CAMTA1: variants seen among roughly 807,000 people sequenced by gnomAD.
The protein encoded by CAMTA1 is calmodulin binding transcription activator 1.
Under a neutral mutation model 170.9 loss-of-function variants are expected in CAMTA1, and 27 were observed. The observed-to-expected ratio is 0.16, with a 90% CI of 0.12 to 0.22. CAMTA1 has a LOEUF of 0.22. Among genes scored for constraint, CAMTA1 ranks in the 10% least tolerant of loss-of-function variants. The pLI, the probability that CAMTA1 is intolerant of heterozygous loss-of-function variation, is 1.00. For synonymous variants in CAMTA1, 833 were observed against 891.5 expected (o/e 0.93, Z 1.17); for missense variants, 1,619 against 2,217.2 (o/e 0.73, Z 5.42).
chr1:7,218,418 A>C (rs1312427788), intron 4 of CAMTA1, among the ~76,000 whole-genome samples: 1 of 151,592 alleles, frequency 6.6e-6, no homozygotes, highest in African/African-American at 2.4e-5. Flanking sequence ...TTAGTTCAAG[A>C]GCTCCCTCTT....
At chr1:7,318,788 C>T (rs115426558) in intron 5 of CAMTA1, among the ~76,000 whole-genome samples, 2,768 of 152,302 alleles carry the variant, frequency 0.018, 73 homozygotes, top group African/African-American at 0.062. Context: ...TGGTGCCACG[C>T]GTTTTACTCA....
At chr1:7,179,265 A>G (rs1651602651) in intron 4 of CAMTA1, among the ~76,000 whole-genome samples, 1 of 152,252 alleles carries the variant, frequency 6.6e-6, no homozygotes. Context: ...AACCACCTTT[A>G]TAAAGCAGAT....
rs116525694 is a variant in CAMTA1, at chr1:7,426,959, G to A, written c.439-40871G>A. ...CAAGGCCTTTTTGCTCAGCGGTGGC[G>A]TTCAGAATCGTGTTTTCCTTACTCA... On this transcript the variant is annotated intron_variant, in intron 5 of 22. Transcript: ENST00000303635. The surrounding 1 kb of genome is among the most constrained non-coding windows in gnomAD (Gnocchi z 4.8). Among the ~76,000 whole-genome samples, 1,321 of 152,198 alleles carry A rather than the reference G, an allele frequency of 8.7e-3. 11 individuals are homozygous for A. Among genetic ancestry groups the A allele is most frequent in the Non-Finnish European group, 0.014 (923 of 68,014 alleles).
chr1:7,542,726 G>A (rs1053028795), intron 6 of CAMTA1, among the ~76,000 whole-genome samples: 2 of 151,826 alleles, frequency 1.3e-5, no homozygotes, highest in Non-Finnish European at 2.9e-5. Context: ...ACGGGATTTC[G>A]CCATGTTGGC....
chr1:7,678,926 C>T (rs1401765663), intron 11 of CAMTA1, among the ~76,000 whole-genome samples: 1 of 152,230 alleles, frequency 6.6e-6, no homozygotes, highest in Non-Finnish European at 1.5e-5. Context: ...CCTGAACCAC[C>T]CAGTGTGTAA....
At chr1:7,704,972 C>A (rs954610491) in intron 11 of CAMTA1, among the ~76,000 whole-genome samples, 3 of 3,038 alleles carry the variant, frequency 9.9e-4, no homozygotes, top group Admixed American at 9.7e-3. Context: ...GCGCGCGGGG[C>A]GGGGGCGGGG....
In CAMTA1 at chr1:7,463,092, C is replaced by T. The variant is rs2093129356; in HGVS notation, c.439-4738C>T. On this transcript the variant is annotated intron_variant, in intron 5 of 22. Coordinates refer to ENST00000303635, the MANE Select transcript of CAMTA1 (RefSeq NM_015215.4). This position sits in a 1 kb window ranked among gnomAD's most constrained non-coding sequence, Gnocchi z 4.7. ...GCCTATAGGTGGGCACATAAGGCCT[C>T]CTGGGGCCGGGGGTTCATGTGAGCA... Among the ~76,000 whole-genome samples, 1 of 152,202 alleles carries T rather than the reference C, an allele frequency of 6.6e-6. No individual in the cohort carries two copies. The highest frequency in any genetic ancestry group is 2.4e-5 in the African/African-American group (1 of 41,464).
intron 4 of CAMTA1, among the ~76,000 whole-genome samples, chr1:7,229,848 A>G (rs887670959): frequency 1.2e-4 from 18 of 152,148 alleles, no homozygotes; most frequent in Non-Finnish European, 1.2e-4. Flanking sequence ...TAAAAAGAAG[A>G]AAATAGCCCG....
chr1:7,234,171 C>T lies in CAMTA1; in HGVS notation c.303-15320C>T, dbSNP rs1043244326. Among the ~76,000 whole-genome samples the T allele has an allele frequency of 3.3e-5, 5 of 152,164 alleles. No homozygotes were observed. The highest frequency in any genetic ancestry group is 2.1e-4 in the South Asian group (1 of 4,832). On this transcript the variant is annotated intron_variant, in intron 4 of 22. Transcript: ENST00000303635. This position sits in a 1 kb window ranked among gnomAD's most constrained non-coding sequence, Gnocchi z 5.0. ...CTTGGGGTGAGCCGCTCTCTCGCCC[C>T]GTCTCCTGCCCCTGCCCTGTTCTTT...
chr1:7,512,717 G>A (rs2094218878), intron 6 of CAMTA1, among the ~76,000 whole-genome samples: 1 of 152,212 alleles, frequency 6.6e-6, no homozygotes, highest in African/African-American at 2.4e-5. Flanking sequence ...CATAGAGAGT[G>A]GGGAAGGAAG....
intron 3 of CAMTA1, among the ~76,000 whole-genome samples, chr1:6,846,849 A>C (rs1219405488): frequency 6.6e-6 from 1 of 152,186 alleles, no homozygotes; most frequent in African/African-American, 2.4e-5. Context: ...AATTGGAAGT[A>C]AATAAAAGGC....
At chr1:7,229,838 T>C (rs74053603) in intron 4 of CAMTA1, among the ~76,000 whole-genome samples, 4,926 of 152,088 alleles carry the variant, frequency 0.032, 253 homozygotes, top group African/African-American at 0.11. Context: ...TACAGATAGG[T>C]AAAAAGAAGA....
intron 6 of CAMTA1, among the ~76,000 whole-genome samples, chr1:7,596,354 A>G (rs900450106): frequency 6.6e-6 from 1 of 152,246 alleles, no homozygotes; most frequent in South Asian, 2.1e-4. Context: ...GATCTTGGGA[A>G]CAAGGGATCA....
In CAMTA1 at chr1:7,482,551, G is replaced by T. The variant is rs987160111; in HGVS notation, c.510+14650G>T. On this transcript the variant is annotated intron_variant, in intron 6 of 22. Transcript: ENST00000303635. This position sits in a 1 kb window ranked among gnomAD's most constrained non-coding sequence, Gnocchi z 4.2. ...GCTCTTTAGAGATACAGTTTAAACTGGCCTTAGCTTGGGCAGAACTAAAGC... is the reference window on the plus strand; with the variant it reads ...GCTCTTTAGAGATACAGTTTAAACTTGCCTTAGCTTGGGCAGAACTAAAGC... Among the ~76,000 whole-genome samples, 2 of 152,148 alleles carry T rather than the reference G, an allele frequency of 1.3e-5. No individual in the cohort carries two copies. The highest frequency in any genetic ancestry group is 1.5e-5 in the Non-Finnish European group (1 of 68,038).
chr1:6,995,360 G>A (rs1697088408), intron 3 of CAMTA1, among the ~76,000 whole-genome samples: 1 of 129,252 alleles, frequency 7.7e-6, no homozygotes, highest in African/African-American at 3.0e-5. Context: ...GAGTAGTGCA[G>A]TGACATGATC....
At chr1:6,936,112 C>T (rs1685267964) in intron 3 of CAMTA1, among the ~76,000 whole-genome samples, 1 of 152,130 alleles carries the variant, frequency 6.6e-6, no homozygotes, top group Non-Finnish European at 1.5e-5. Context: ...GCAGCAGTGC[C>T]CTGACTGAGG....
At chr1:7,558,200 C>T (rs888285011) in intron 6 of CAMTA1, among the ~76,000 whole-genome samples, 1 of 152,250 alleles carries the variant, frequency 6.6e-6, no homozygotes, top group Admixed American at 6.5e-5. Flanking sequence ...GCCTCGGGGC[C>T]GCATGGGGCC....
At chr1:6,832,756 C>G (rs1234994521) in intron 3 of CAMTA1, among the ~76,000 whole-genome samples, 4 of 152,048 alleles carry the variant, frequency 2.6e-5, no homozygotes, top group Non-Finnish European at 5.9e-5. Context: ...TTATTTTGTT[C>G]CAGGCAGGGC....
intron 6 of CAMTA1, among the ~76,000 whole-genome samples, chr1:7,495,936 G>T (rs2093819744): frequency 1.3e-5 from 2 of 152,178 alleles, no homozygotes; most frequent in Admixed American, 6.5e-5. Context: ...TCTTGGTCTT[G>T]CCCAGAGCAC....
Sources: gnomAD v4.1 joint callset for allele counts (sites outside exome capture counted in the v4.1 genomes callset) on GRCh38, gnomAD v4.1.1 for gene constraint, Gnocchi (gnomAD v3.1) non-coding constraint, MANE v1.5 for transcripts, NCBI Gene and HGNC (gene_info 2026-07-23, HGNC 2026-07-21) for gene names.